The following TAB2 variants were observed in gnomAD, a reference collection of about 807,000 sequenced individuals.
TAB2 encodes the protein TGF-beta-activated kinase 1 and MAP3K7-binding protein 2.
Under a neutral mutation model 65.0 loss-of-function variants are expected in TAB2, and 3 were observed. The observed-to-expected ratio is 0.05, with a 90% CI of 0.02 to 0.12. The LOEUF (loss-of-function observed/expected upper bound fraction) is 0.12, where lower values mean the gene tolerates loss of function less well. TAB2 is among the 10% of genes least tolerant of loss of function. The probability of loss-of-function intolerance (pLI) is 1.00; values close to 1 mark genes in which losing one functional copy is unlikely to be tolerated. For synonymous variants in TAB2, 298 were observed against 285.1 expected, an observed-to-expected ratio of 1.05 and a Z score of -0.46; for missense variants, 623 against 840.3, an observed-to-expected ratio of 0.74 and a Z score of 3.20.
At chr6:149,251,582 G>A (rs762952871) in intron 1 of TAB2, among the ~76,000 whole-genome samples, 1 of 152,052 alleles carries the variant, frequency 6.6e-6, no homozygotes, top group Non-Finnish European at 1.5e-5. Flanking sequence ...TTCCACACAC[G>A]AGTCCTGTCA....
chr6:149,279,994 C>T (rs929170105), intron 1 of TAB2, among the ~76,000 whole-genome samples: 1 of 152,196 alleles, frequency 6.6e-6, no homozygotes, highest in African/African-American at 2.4e-5. Context: ...CAGTTCTTTC[C>T]ATTAAAAAGC....
intron 1 of TAB2, among the ~76,000 whole-genome samples, chr6:149,293,735 T>C (rs1778824502): frequency 6.6e-6 from 1 of 152,244 alleles, no homozygotes; most frequent in Non-Finnish European, 1.5e-5. Context: ...GTGAAATTTA[T>C]GATATCTTCC....
intron 6 of TAB2, among the ~76,000 whole-genome samples, chr6:149,401,963 AAG>A (rs142080648): frequency 3.3e-5 from 5 of 151,716 alleles, no homozygotes; most frequent in African/African-American, 9.7e-5. Flanking sequence ...AGGCAGTACT[AAG>A]AGAGAAGTTT....
intron 3 of TAB2, among the ~76,000 whole-genome samples, chr6:149,397,402 T>C (rs1220153319): frequency 6.6e-6 from 1 of 151,674 alleles, no homozygotes; most frequent in South Asian, 2.1e-4. Flanking sequence ...GATCGCACCA[T>C]TGCACTCCAG....
chr6:149,333,282 G>A (rs567932812), intron 1 of TAB2, among the ~76,000 whole-genome samples: 14 of 152,244 alleles, frequency 9.2e-5, no homozygotes, highest in African/African-American at 2.9e-4. Context: ...ACATAGCAGC[G>A]TCACCAACCC....
chr6:149,396,898 C>T (rs1257588546), intron 3 of TAB2, among the ~76,000 whole-genome samples: 1 of 152,182 alleles, frequency 6.6e-6, no homozygotes, highest in Non-Finnish European at 1.5e-5. Flanking sequence ...ATATCTATAA[C>T]ATTTTCATAT....
chr6:149,352,722 A>T (rs944516573), intron 1 of TAB2, among the ~76,000 whole-genome samples: 2 of 152,208 alleles, frequency 1.3e-5, no homozygotes, highest in African/African-American at 4.8e-5. Flanking sequence ...AGAAACATTC[A>T]GATAAGCAGT....
At chr6:149,299,040 GAATATGGGAGT>G (rs1778926077) in intron 1 of TAB2, among the ~76,000 whole-genome samples, 1 of 152,154 alleles carries the variant, frequency 6.6e-6, no homozygotes, top group Non-Finnish European at 1.5e-5. Context: ...CATGCTAAAT[GAATATGGGAGT>G]TATTTTTCTT....
chr6:149,348,946 A>G (rs997894436), intron 1 of TAB2, among the ~76,000 whole-genome samples: 17 of 151,930 alleles, frequency 1.1e-4, no homozygotes, highest in African/African-American at 4.1e-4. Context: ...CAGCCTGGGC[A>G]ACAAGAGCAA....
At chr6:149,314,276 T>A (rs1293845335), upstream of TAB2, among the ~76,000 whole-genome samples, 1 of 152,224 alleles carries the variant, frequency 6.6e-6, no homozygotes, top group Non-Finnish European at 1.5e-5. Context: ...TGCTAGATTA[T>A]CCTTCCTAAA....
At chr6:149,323,250 G>T (rs969970371) in intron 1 of TAB2, among the ~76,000 whole-genome samples, 2 of 152,028 alleles carry the variant, frequency 1.3e-5, no homozygotes, top group African/African-American at 4.8e-5. Context: ...CTAGCCAAAA[G>T]TTCAAAAAAT....
intron 1 of TAB2, 30 bp downstream of exon 1, chr6:149,318,045 G>A (rs1583082766): frequency 6.3e-6 from 1 of 158,320 alleles, no homozygotes; most frequent in African/African-American, 2.4e-5. Flanking sequence ...GGGCCTCGGC[G>A]GGATCCCCAA....
chr6:149,305,077 G>T lies in TAB2; in HGVS notation c.-120-72941G>T, dbSNP rs370553385. Among the ~76,000 whole-genome samples, 20 of 151,978 alleles carry T rather than the reference G, an allele frequency of 1.3e-4. No homozygotes were observed. In the East Asian group the frequency reaches 3.5e-3, roughly 26 times the overall value. ...TGTTACTTTTTATTGTTTTGTTATT[G>T]TTATTGTTATTATATATTTTCCATC... On this transcript the variant is annotated intron_variant, in intron 1 of 1. Transcript: ENST00000606202.
At chr6:149,333,214 GTTGAATGTC>G (rs1779833539) in intron 1 of TAB2, among the ~76,000 whole-genome samples, 1 of 152,166 alleles carries the variant, frequency 6.6e-6, no homozygotes, top group Admixed American at 6.5e-5. Flanking sequence ...ACAGGTTGTG[GTTGAATGTC>G]TTTCTGATGC....
intron 6 of TAB2, chr6:149,401,014 T>G (rs533443687): frequency 4.3e-6 from 1 of 231,864 alleles, no homozygotes; most frequent in South Asian, 1.3e-4. Flanking sequence ...CTTTATATTC[T>G]AGTAAGTTAT....
At chr6:149,372,817 A>G (rs560792871) in intron 2 of TAB2, among the ~76,000 whole-genome samples, 3 of 152,254 alleles carry the variant, frequency 2.0e-5, no homozygotes, top group African/African-American at 4.8e-5. Context: ...CCAAATTTAG[A>G]GCAATATTTT....
chr6:149,375,209 G>A (rs552549854), intron 2 of TAB2, among the ~76,000 whole-genome samples: 2 of 152,026 alleles, frequency 1.3e-5, no homozygotes, highest in African/African-American at 4.8e-5. Context: ...TACATCAAAC[G>A]AACAAAGATG....
At chr6:149,297,097 C>T (rs1454310800) in intron 1 of TAB2, among the ~76,000 whole-genome samples, 1 of 151,868 alleles carries the variant, frequency 6.6e-6, no homozygotes, top group African/African-American at 2.4e-5. Flanking sequence ...CTCCCTCCTT[C>T]CTTCCCTCTC....
chr6:149,403,243 AAAAAATATATATATAT>A, intron 6 of TAB2, among the ~76,000 whole-genome samples: 1 of 48,926 alleles, frequency 2.0e-5, no homozygotes, highest in South Asian at 8.6e-4. Flanking sequence ...CTAAAAAAAA[AAAAAATATATATATAT>A]ATATATATAT....
Sources: gnomAD v4.1 joint callset for allele counts (sites outside exome capture counted in the v4.1 genomes callset) on GRCh38, gnomAD v4.1.1 for gene constraint, MANE v1.5 for transcripts, NCBI Gene and HGNC (gene_info 2026-07-23, HGNC 2026-07-21) for gene names.